Variants in GALNT17 observed in about 807,000 individuals in gnomAD.
The protein encoded by GALNT17 is UDP-GalNAc:polypeptide N-acetylgalactosaminyltransferase-like 3.
Under a neutral mutation model 63.7 loss-of-function variants are expected in GALNT17, and 29 were observed. The ratio of observed to expected loss-of-function variants is 0.46; its 90% CI spans 0.34 to 0.62. GALNT17 has a LOEUF of 0.62. Ranked by LOEUF, GALNT17 falls within the 20% of genes least tolerant of loss-of-function variation. GALNT17 has a pLI of 0.01. For synonymous variants in GALNT17, 305 were observed against 318.3 expected (o/e 0.96, Z 0.45); for missense variants, 603 against 799.6 (o/e 0.75, Z 2.97).
At chr7:71,703,899 A>G (rs1422596562) in intron 9 of GALNT17, among the ~76,000 whole-genome samples, 2 of 146,540 alleles carry the variant, frequency 1.4e-5, no homozygotes, top group Non-Finnish European at 1.5e-5. Context: ...AATGGAAAGT[A>G]ATATTCTCTG....
intron 1 of GALNT17, among the ~76,000 whole-genome samples, chr7:71,162,287 G>T: frequency 6.6e-6 from 1 of 152,084 alleles, no homozygotes; most frequent in South Asian, 2.1e-4. Flanking sequence ...TATTTTCAGA[G>T]ATCTTGTTTT....
intron 9 of GALNT17, among the ~76,000 whole-genome samples, chr7:71,704,729 A>C (rs571339580): frequency 1.6e-4 from 24 of 152,320 alleles, no homozygotes; most frequent in Admixed American, 1.3e-3. Context: ...TTTATAGTCC[A>C]TTGATTTTTG....
At chr7:71,146,612 G>A (rs760329073) in intron 1 of GALNT17, among the ~76,000 whole-genome samples, 49 of 151,824 alleles carry the variant, frequency 3.2e-4, no homozygotes, top group Non-Finnish European at 4.9e-4. Context: ...TCCCTCCCTC[G>A]CCGCCATCCT....
intron 5 of GALNT17, among the ~76,000 whole-genome samples, chr7:71,441,875 T>A (rs1787073474): frequency 6.6e-6 from 1 of 152,218 alleles, no homozygotes; most frequent in Non-Finnish European, 1.5e-5. Context: ...CTTTATCCAG[T>A]TTATCATTGA....
Position 71,479,567 on chromosome 7 carries a change from C to A in GALNT17, c.962+58462C>A, listed in dbSNP as rs554120982. On this transcript the variant is annotated intron_variant, in intron 5 of 10. Transcript: ENST00000333538. ...CAGTTAGAACGAAGTTTCTCTAATT[C>A]AGTCTTAGAGAATGACTTTTTTTTT... 1.2e-4 allele frequency among the ~76,000 whole-genome samples: 18 copies of A among 152,226 alleles called. No homozygotes were observed. In the South Asian group the frequency reaches 3.7e-3, roughly 32 times the overall value.
At chr7:71,586,986 T>G (rs1000349318) in intron 6 of GALNT17, among the ~76,000 whole-genome samples, 29 of 152,160 alleles carry the variant, frequency 1.9e-4, no homozygotes, top group African/African-American at 6.5e-4. Context: ...TTGTATCCAT[T>G]AATCAAGCTC....
At chr7:71,677,131 A>C (rs1791162460) in intron 8 of GALNT17, 80 bp from the exon 9 acceptor site, 1 of 1,465,280 alleles carries the variant, frequency 6.8e-7, no homozygotes, top group African/African-American at 1.4e-5. Context: ...GTTGGAACCA[A>C]GCCATGGTAG....
intron 9 of GALNT17, among the ~76,000 whole-genome samples, chr7:71,680,880 T>C (rs796487276): frequency 9.5e-5 from 9 of 94,262 alleles, no homozygotes; most frequent in Non-Finnish European, 1.7e-4. Context: ...CCTTCCTTCC[T>C]TTTCTTCCTT....
At chr7:71,625,742 G>A (rs1238273240) in intron 6 of GALNT17, among the ~76,000 whole-genome samples, 1 of 152,120 alleles carries the variant, frequency 6.6e-6, no homozygotes, top group Non-Finnish European at 1.5e-5. Context: ...CTGACAGTCT[G>A]TGTTTCTCTG....
intron 5 of GALNT17, among the ~76,000 whole-genome samples, chr7:71,562,704 C>G (rs763648655): frequency 6.6e-6 from 1 of 152,216 alleles, no homozygotes; most frequent in Non-Finnish European, 1.5e-5. Context: ...TTGCCTGCCA[C>G]TCACCTCCTG....
intron 6 of GALNT17, among the ~76,000 whole-genome samples, chr7:71,618,862 G>T (rs946535494): frequency 6.6e-6 from 1 of 152,104 alleles, no homozygotes; most frequent in Admixed American, 6.6e-5. Flanking sequence ...TGCTTTTGGG[G>T]ACTTAGCCAA....
intron 1 of GALNT17, among the ~76,000 whole-genome samples, chr7:71,317,122 T>C (rs1791514834): frequency 6.6e-6 from 1 of 152,184 alleles, no homozygotes; most frequent in African/African-American, 2.4e-5. Context: ...CAGGGCCGTA[T>C]GTTTCTTTAT....
At chr7:71,179,895 A>G (rs1381517107) in intron 1 of GALNT17, among the ~76,000 whole-genome samples, 5 of 152,192 alleles carry the variant, frequency 3.3e-5, no homozygotes, top group African/African-American at 1.2e-4. Context: ...TCATTAAAGA[A>G]AATATTTTGT....
intron 5 of GALNT17, among the ~76,000 whole-genome samples, chr7:71,504,110 C>T (rs1231091221): frequency 1.3e-5 from 2 of 152,070 alleles, no homozygotes; most frequent in Non-Finnish European, 2.9e-5. Flanking sequence ...AACCTGTAGT[C>T]CCAGCTACTC....
At chr7:71,298,011 A>G (rs1791113727) in intron 1 of GALNT17, among the ~76,000 whole-genome samples, 1 of 152,084 alleles carries the variant, frequency 6.6e-6, no homozygotes, top group African/African-American at 2.4e-5. Context: ...CGTTGAACTC[A>G]AGAGTTGTGT....
intron 6 of GALNT17, among the ~76,000 whole-genome samples, chr7:71,627,248 G>A (rs890581533): frequency 6.6e-6 from 1 of 152,044 alleles, no homozygotes; most frequent in African/African-American, 2.4e-5. Context: ...ATGAGAAAGG[G>A]GCATTTCCCA....
chr7:71,646,447 A>G (rs977608503), intron 6 of GALNT17, among the ~76,000 whole-genome samples: 7 of 152,294 alleles, frequency 4.6e-5, no homozygotes, highest in African/African-American at 1.4e-4. Context: ...GCGTGTTTCT[A>G]TCTCATGAGT....
chr7:71,559,620 G>A (rs960648419), intron 5 of GALNT17, among the ~76,000 whole-genome samples: 6 of 152,148 alleles, frequency 3.9e-5, no homozygotes, highest in Non-Finnish European at 2.9e-5. Flanking sequence ...CCACCATTCT[G>A]AGAGGCCATG....
At chr7:71,265,118 A>ATAAATATTTTT (rs1390488895) in intron 1 of GALNT17, among the ~76,000 whole-genome samples, 1 of 37,460 alleles carries the variant, frequency 2.7e-5, no homozygotes, top group Non-Finnish European at 6.8e-5. Flanking sequence ...ATATATATAT[A>ATAAATATTTTT]TTTTTTTTTT....
Sources: gnomAD v4.1 joint callset for allele counts (sites outside exome capture counted in the v4.1 genomes callset) on GRCh38, gnomAD v4.1.1 for gene constraint, MANE v1.5 for transcripts, NCBI Gene and HGNC (gene_info 2026-07-23, HGNC 2026-07-21) for gene names.